Variants in VWA5B1 observed in about 807,000 individuals in gnomAD.
The protein encoded by VWA5B1 is von Willebrand factor A domain containing 5B1.
VWA5B1 carries 115 observed loss-of-function variants against 118.2 expected under a neutral mutation model. The observed-to-expected ratio is 0.97, with a 90% confidence interval of 0.84 to 1.14. The LOEUF is 1.14. Ranked by LOEUF, VWA5B1 falls within the 50% of genes most tolerant of loss-of-function variation. VWA5B1 has a pLI of 0.00. For missense variants in VWA5B1, 1,596 were observed against 1,603.8 expected, an observed-to-expected ratio of 1.00 and a Z score of 0.08; for synonymous variants, 682 against 658.4, an observed-to-expected ratio of 1.04 and a Z score of -0.55.
chr1:20,317,952 G>A (rs2089076281), intron 5 of VWA5B1, among the ~76,000 whole-genome samples: 1 of 151,308 alleles, frequency 6.6e-6, no homozygotes, highest in Non-Finnish European at 1.5e-5. Context: ...TCTCCTAGAG[G>A]CCACAGCTGT....
chr1:20,314,132 C>G (rs1570096779), intron 3 of VWA5B1, among the ~76,000 whole-genome samples, 190 bp from the exon 4 acceptor site: 1 of 152,126 alleles, frequency 6.6e-6, no homozygotes, highest in African/African-American at 2.4e-5. Context: ...GGAAAGTTCA[C>G]AGGCCTAGAG....
intron 20 of VWA5B1, among the ~76,000 whole-genome samples, chr1:20,351,492 A>G (rs184609167): frequency 1.2e-4 from 19 of 152,206 alleles, no homozygotes; most frequent in Admixed American, 9.8e-4. Flanking sequence ...TCTCTACTAA[A>G]AATGCAAAAA....
chr1:20,317,636 A>G lies in VWA5B1; in HGVS notation c.670A>G (p.Asn224Asp). ...GTCCAACCCCATGGAGTATGAGTTC[A>G]ACTTCCAGCTGGAGATCCGTGGGCC... ...EVSNPMEYEF[N>D]FQLEIRGPCL... is the part of the protein sequence containing the mutation. Residue 224 changes from asparagine to aspartate, a missense_variant, in exon 5 of 22, where the codon AAC (asparagine) becomes GAC (aspartate). Coordinates refer to ENST00000289815, the MANE Select transcript of VWA5B1 (RefSeq NM_001039500.3). 4.5e-6 allele frequency: 7 copies of G among 1,551,658 alleles called. No individual in the cohort carries two copies. The highest frequency in any genetic ancestry group is 6.1e-6 in the Non-Finnish European group (7 of 1,146,900).
chr1:20,347,311 A>G (rs939666735), intron 17 of VWA5B1, among the ~76,000 whole-genome samples: 1 of 152,244 alleles, frequency 6.6e-6, no homozygotes. Flanking sequence ...AATGGGCTAC[A>G]GTATGCAGCT....
At chr1:20,317,137 CTG>C (rs2089036019) in intron 4 of VWA5B1, among the ~76,000 whole-genome samples, 1 of 129,340 alleles carries the variant, frequency 7.7e-6, no homozygotes, top group South Asian at 2.4e-4. Flanking sequence ...GCCTGGGTGA[CTG>C]AGCAAGACTG....
At position 20,335,870 on chromosome 1, in the gene VWA5B1, G is replaced by A. The variant is rs527731294; in HGVS notation, c.1759-433G>A. 7.2e-5 allele frequency among the ~76,000 whole-genome samples: 11 copies of A among 152,268 alleles called. No homozygotes were observed. The East Asian group carries it at 7.7e-4, about 11-fold the overall frequency. On this transcript the variant is annotated intron_variant, in intron 12 of 21. Coordinates refer to ENST00000289815, the MANE Select transcript of VWA5B1 (RefSeq NM_001039500.3). Reference sequence around the variant, plus strand: ...GGTGGAAGGAGAGGCAAGAGAAGCCGACACTCAGTGTAACTTTTATTGGAA... The same window carrying A: ...GGTGGAAGGAGAGGCAAGAGAAGCCAACACTCAGTGTAACTTTTATTGGAA...
intron 14 of VWA5B1, 150 bp downstream of exon 14, chr1:20,337,986 C>T (rs2100967573): frequency 2.0e-6 from 2 of 1,015,552 alleles, no homozygotes; most frequent in South Asian, 2.8e-5. Context: ...CCTTCATCTG[C>T]CTTACCTCCG....
chr1:20,296,429 C>T (rs751275212), intron 1 of VWA5B1, among the ~76,000 whole-genome samples: 8 of 152,276 alleles, frequency 5.3e-5, no homozygotes, highest in Non-Finnish European at 1.0e-4. Flanking sequence ...TGGAGGACTC[C>T]TAGTCCTACA....
intron 1 of VWA5B1, among the ~76,000 whole-genome samples, chr1:20,297,706 A>C (rs2088431551): frequency 6.6e-6 from 1 of 152,176 alleles, no homozygotes; most frequent in Non-Finnish European, 1.5e-5. Context: ...GCAGATCTGA[A>C]TGCCTGGTGG....
In VWA5B1 at chr1:20,292,505, C is replaced by G. The variant is rs370218233; in HGVS notation, c.-27+1417C>G. Among the ~76,000 whole-genome samples, 102 of 152,232 alleles carry G rather than the reference C, an allele frequency of 6.7e-4. 3 individuals carry two copies. In the South Asian group the frequency reaches 0.02, roughly 30 times the overall value. On this transcript the variant is annotated intron_variant, in intron 1 of 21. Coordinates refer to ENST00000289815, the MANE Select transcript of VWA5B1 (RefSeq NM_001039500.3). ...AAGGGGATTACCTGGAGGGTAGGGA[C>G]GTGTATCGGGGAACTACATGAGTTG... is the stretch of plus-strand genomic sequence containing the variant.
intron 20 of VWA5B1, 74 bp from the exon 21 acceptor site, chr1:20,351,981 C>A: frequency 8.3e-7 from 1 of 1,208,374 alleles, no homozygotes; most frequent in South Asian, 1.4e-5. Flanking sequence ...TTCCTTCTGA[C>A]CCTGACTTTC....
intron 1 of VWA5B1, among the ~76,000 whole-genome samples, chr1:20,305,214 C>A (rs1225416281): frequency 6.6e-6 from 1 of 151,998 alleles, no homozygotes; most frequent in Admixed American, 6.5e-5. Flanking sequence ...TAGGAATGAG[C>A]GAGTGGTCTT....
rs1304375902 is a variant in VWA5B1, at chr1:20,332,906, T to C, written c.1713T>C (p.Tyr571=). ...TCCCTGGAGAACGGCTGGTGGGGTA[T>C]GGCATTGTATGTGATGCTTCTTTGC... ...SLFPGERLVG[Y]GIVCDASLHI... The change falls in exon 12 of 22, where the codon TAT becomes TAC. Residue 571 remains tyrosine (Y), a synonymous_variant. Transcript: ENST00000289815. The C allele has an allele frequency of 3.9e-6, 6 of 1,551,872 alleles. No homozygotes were observed. Among genetic ancestry groups the C allele is most frequent in the Middle Eastern group, 1.7e-4 (1 of 5,994 alleles).
intron 14 of VWA5B1, chr1:20,338,145 C>G (rs1168052943): frequency 1.9e-6 from 1 of 523,564 alleles, no homozygotes; most frequent in Non-Finnish European, 3.7e-6. Context: ...AGGGGCCCAC[C>G]TTGGCTCAGT....
In VWA5B1 at chr1:20,343,002, G is replaced by A. The variant is rs114041269; in HGVS notation, c.2312-77G>A. 2,090 of 1,454,574 alleles carry A rather than the reference G, an allele frequency of 1.4e-3. 24 individuals are homozygous for A. In the African/African-American group the frequency reaches 0.026, roughly 18 times the overall value. The allele number at this position is 1,454,574 out of a possible 1,614,324, so 90.1% of individuals were successfully genotyped here. On this transcript the variant is annotated intron_variant, in intron 15 of 21. Transcript: ENST00000289815. ...TTGCTTAGAAGTGTCTGCTCCCTGG[G>A]GAGGAATGATGTCCCCTGGGAGTTG...
At position 20,318,584 on chromosome 1, in the gene VWA5B1, A is replaced by T; in HGVS notation, c.710-6A>T. ...TATATCCCCCTTGCCTTTCTATGCCACTCAGGGGTGGAGAGTCCCACTCAT... is the reference window on the plus strand; with the variant it reads ...TATATCCCCCTTGCCTTTCTATGCCTCTCAGGGGTGGAGAGTCCCACTCAT... On this transcript the variant is annotated splice_polypyrimidine_tract_variant and splice_region_variant and intron_variant, in intron 5 of 21. Transcript: ENST00000289815. The T allele has an allele frequency of 6.4e-7, 1 of 1,550,948 alleles. No individual in the cohort carries two copies. The highest frequency in any genetic ancestry group is 8.7e-7 in the Non-Finnish European group (1 of 1,146,870).
Position 20,356,370 on chromosome 1 carries a change from A to G in VWA5B1, c.*2107A>G, listed in dbSNP as rs1281345527. On this transcript the variant is annotated 3_prime_UTR_variant, in exon 22 of 22. Coordinates refer to ENST00000289815, the MANE Select transcript of VWA5B1 (RefSeq NM_001039500.3). Reference sequence around the variant, plus strand: ...CCTCTGAGATGTTTCCCTCTTCATGAACATGAATTTGCTTGAGTTCTCTGT... The same window carrying G: ...CCTCTGAGATGTTTCCCTCTTCATGGACATGAATTTGCTTGAGTTCTCTGT... 6.6e-6 allele frequency among the ~76,000 whole-genome samples: 1 copy of G among 152,162 alleles called. No individual in the cohort carries two copies. Among genetic ancestry groups the G allele is most frequent in the East Asian group, 1.9e-4 (1 of 5,194 alleles).
intron 1 of VWA5B1, 23 bp from the exon 2 acceptor site, chr1:20,310,553 C>T (rs926100195): frequency 9.5e-6 from 14 of 1,466,998 alleles, no homozygotes; most frequent in African/African-American, 1.4e-5. Context: ...CTTCCCACTT[C>T]CTGCCCTTCC....
At chr1:20,323,566 G>A in intron 8 of VWA5B1, 34 bp downstream of exon 8, 1 of 1,347,950 alleles carries the variant, frequency 7.4e-7, no homozygotes, top group Non-Finnish European at 9.6e-7. Context: ...CGAGGACCCG[G>A]GGCTCCAGGG....
Sources: allele counts gnomAD v4.1 joint callset (sites outside exome capture counted in the v4.1 genomes callset), GRCh38; gene constraint gnomAD v4.1.1; transcripts MANE v1.5; gene names NCBI Gene and HGNC (gene_info 2026-07-23, HGNC 2026-07-21).